The following RALYL variants were observed in gnomAD, a reference collection of about 807,000 sequenced individuals.
The protein encoded by RALYL is RNA-binding Raly-like protein.
In RALYL, 29 loss-of-function variants were observed where a neutral mutation model predicts 35.1. The observed-to-expected ratio is 0.83, with a 90% confidence interval of 0.61 to 1.13. The LOEUF (loss-of-function observed/expected upper bound fraction) is 1.13. RALYL is among the 50% of genes most tolerant of loss of function. RALYL has a pLI of 0.00. For synonymous variants in RALYL, 120 were observed against 127.6 expected (o/e 0.94, Z 0.40); for missense variants, 359 against 360.4 (o/e 1.00, Z 0.03).
At chr8:84,574,856 C>A (rs1006272775) in intron 2 of RALYL, among the ~76,000 whole-genome samples, 2 of 152,198 alleles carry the variant, frequency 1.3e-5, no homozygotes, top group South Asian at 4.2e-4. Flanking sequence ...TATCTCCATT[C>A]TTATGACATC....
At chr8:84,285,861 A>G (rs1053288620) in intron 1 of RALYL, among the ~76,000 whole-genome samples, 4 of 152,126 alleles carry the variant, frequency 2.6e-5, no homozygotes, top group Non-Finnish European at 5.9e-5. Context: ...GTGAGAGTGG[A>G]AGTCATTGGA....
intron 1 of RALYL, among the ~76,000 whole-genome samples, chr8:84,386,530 T>C (rs1472110964): frequency 6.6e-6 from 1 of 151,846 alleles, no homozygotes; most frequent in Non-Finnish European, 1.5e-5. Flanking sequence ...TATAGTTCCA[T>C]TGGGTAGTAG....
At chr8:84,755,938 A>G (rs1811291338) in intron 2 of RALYL, among the ~76,000 whole-genome samples, 1 of 152,010 alleles carries the variant, frequency 6.6e-6, no homozygotes, top group Admixed American at 6.6e-5. Flanking sequence ...AGCTAAAAGT[A>G]TCAAAGACAG....
chr8:84,434,639 AT>A (rs1359480742), intron 1 of RALYL, among the ~76,000 whole-genome samples: 1 of 152,172 alleles, frequency 6.6e-6, no homozygotes, highest in Non-Finnish European at 1.5e-5. Flanking sequence ...ATCAAAGAGT[AT>A]TCATATCAAA....
At chr8:84,558,381 C>A (rs1449827815) in intron 2 of RALYL, among the ~76,000 whole-genome samples, 1 of 152,070 alleles carries the variant, frequency 6.6e-6, no homozygotes, top group Non-Finnish European at 1.5e-5. Context: ...TTTGTAGTAT[C>A]TGTAAATCAT....
chr8:84,845,137 A>T (rs942012197), intron 4 of RALYL, among the ~76,000 whole-genome samples: 7 of 152,194 alleles, frequency 4.6e-5, no homozygotes, highest in Admixed American at 1.3e-4. Flanking sequence ...TAAAAAAAAT[A>T]AAAAATTTAG....
chr8:84,826,576 T>C (rs1380481417), intron 4 of RALYL, among the ~76,000 whole-genome samples: 1 of 152,134 alleles, frequency 6.6e-6, no homozygotes, highest in Non-Finnish European at 1.5e-5. Context: ...TATTTGGGAA[T>C]TAGCAGTTTA....
chr8:84,532,440 GT>G (rs1302078085), intron 2 of RALYL, among the ~76,000 whole-genome samples: 2 of 151,964 alleles, frequency 1.3e-5, no homozygotes, highest in Non-Finnish European at 2.9e-5. Flanking sequence ...TGCTTCTTGA[GT>G]TTTTTGATTC....
intron 1 of RALYL, among the ~76,000 whole-genome samples, chr8:84,433,596 G>T (rs929957551): frequency 2.0e-5 from 3 of 151,954 alleles, no homozygotes; most frequent in African/African-American, 7.2e-5. Context: ...GGTCTCACGA[G>T]ATCTGTTGGG....
At chr8:84,602,197 C>A in intron 2 of RALYL, among the ~76,000 whole-genome samples, 1 of 151,938 alleles carries the variant, frequency 6.6e-6, no homozygotes, top group East Asian at 1.9e-4. Context: ...TGAAACATAT[C>A]CAATAATTGC....
chr8:84,319,577 A>G (rs1228150944), intron 1 of RALYL, among the ~76,000 whole-genome samples: 1 of 152,108 alleles, frequency 6.6e-6, no homozygotes, highest in South Asian at 2.1e-4. Context: ...ACCAGATGAT[A>G]CGCTCAAAGA....
intron 1 of RALYL, among the ~76,000 whole-genome samples, chr8:84,211,981 G>A (rs1819597416): frequency 6.6e-6 from 1 of 152,084 alleles, no homozygotes. Context: ...AAGAAATTGA[G>A]GCATAAGGAA....
chr8:84,200,492 A>G (rs1416379522), intron 1 of RALYL, among the ~76,000 whole-genome samples: 3 of 152,190 alleles, frequency 2.0e-5, no homozygotes, highest in Non-Finnish European at 4.4e-5. Flanking sequence ...GACTAAATAC[A>G]TTTTAAAATC....
At chr8:84,871,417 A>G (rs1399858343) in intron 6 of RALYL, among the ~76,000 whole-genome samples, 1 of 152,218 alleles carries the variant, frequency 6.6e-6, no homozygotes, top group East Asian at 1.9e-4. Context: ...GTTTTCAGCT[A>G]TAGTCCTATT....
chr8:84,187,028 A>G (rs1166418157), intron 1 of RALYL, among the ~76,000 whole-genome samples: 1 of 151,770 alleles, frequency 6.6e-6, no homozygotes, highest in African/African-American at 2.4e-5. Context: ...TCAACTGCTT[A>G]CTAAGCGAGA....
At chr8:84,601,473 C>T (rs1815938489) in intron 2 of RALYL, among the ~76,000 whole-genome samples, 1 of 152,094 alleles carries the variant, frequency 6.6e-6, no homozygotes, top group African/African-American at 2.4e-5. Context: ...GGGACAGTGG[C>T]CTTGGAAGAG....
chr8:84,732,683 T>TATATATATATATATATATATACACACAC, intron 2 of RALYL, among the ~76,000 whole-genome samples: 1,550 of 132,360 alleles, frequency 0.012, 25 homozygotes, highest in Non-Finnish European at 0.019. Flanking sequence ...TATATATATA[T>TATATATATATATATATATATACACACAC]ACACACACAC....
At chr8:84,314,175 C>T (rs1467034980) in intron 1 of RALYL, among the ~76,000 whole-genome samples, 2 of 151,958 alleles carry the variant, frequency 1.3e-5, no homozygotes, top group African/African-American at 4.8e-5. Flanking sequence ...ATCAGAACTC[C>T]CTCATTATCA....
chr8:84,353,622 A>G (rs1422925745), intron 1 of RALYL, among the ~76,000 whole-genome samples: 1 of 150,224 alleles, frequency 6.7e-6, no homozygotes, highest in Non-Finnish European at 1.5e-5. Context: ...AGTATGAATC[A>G]TTTTTTGTTC....
Sources: gnomAD v4.1 joint callset for allele counts (sites outside exome capture counted in the v4.1 genomes callset) on GRCh38, gnomAD v4.1.1 for gene constraint, MANE v1.5 for transcripts, NCBI Gene and HGNC (gene_info 2026-07-23, HGNC 2026-07-21) for gene names.